ASTN2: variants seen among roughly 807,000 people sequenced by gnomAD.
ASTN2 encodes astrotactin-2.
ASTN2 carries 54 observed loss-of-function variants against 139.8 expected under a neutral mutation model. The observed-to-expected ratio is 0.39, with a 90% confidence interval of 0.31 to 0.48. The LOEUF (loss-of-function observed/expected upper bound fraction) is 0.48. Ranked by LOEUF, ASTN2 falls within the 20% of genes least tolerant of loss-of-function variation. The pLI is 0.95. For missense variants in ASTN2, 1,565 were observed against 1,725.1 expected, an observed-to-expected ratio of 0.91 and a Z score of 1.64; for synonymous variants, 756 against 719.5, an observed-to-expected ratio of 1.05 and a Z score of -0.81.
At chr9:117,048,963 C>CTTTTTTTTGTTTTTTTTTTTTTTTTT (rs1838829762) in intron 5 of ASTN2, among the ~76,000 whole-genome samples, 1 of 89,014 alleles carries the variant, frequency 1.1e-5, no homozygotes, top group Non-Finnish European at 2.3e-5. Flanking sequence ...TCATCCATTG[C>CTTTTTTTTGTTTTTTTTTTTTTTTTT]TTTTTTTTTT....
Position 117,042,862 on chromosome 9 carries a change from T to C in ASTN2, c.1277-2897A>G, listed in dbSNP as rs1838620011. ...CACTGGAGTTTTTTGTTGTTGTTGT[T>C]TTTTGTTTTGCTTGTTTGCTTGTTT... On this transcript the variant is annotated intron_variant, in intron 5 of 22. Coordinates refer to ENST00000313400, the MANE Select transcript of ASTN2 (RefSeq NM_001365068.1). Among the ~76,000 whole-genome samples the C allele has an allele frequency of 2.0e-5, 3 of 152,094 alleles. No individual in the cohort carries two copies. In the South Asian group the frequency reaches 6.2e-4, roughly 32 times the overall value.
chr9:117,040,644 A>G (rs1454129323), intron 5 of ASTN2, among the ~76,000 whole-genome samples: 1 of 152,102 alleles, frequency 6.6e-6, no homozygotes, highest in Non-Finnish European at 1.5e-5. Flanking sequence ...TTTTTAGTAG[A>G]GACGGGTTTT....
intron 1 of ASTN2, among the ~76,000 whole-genome samples, chr9:117,324,408 T>C (rs1390287803): frequency 6.6e-6 from 1 of 152,172 alleles, no homozygotes. Flanking sequence ...CTTACGATCA[T>C]AGCAGAAGGG....
intron 4 of ASTN2, among the ~76,000 whole-genome samples, chr9:117,134,375 C>A (rs558129047): frequency 4.3e-4 from 64 of 148,912 alleles, no homozygotes; most frequent in African/African-American, 1.5e-3. Flanking sequence ...ACAGTAAAAG[C>A]ACATTGAAAC....
intron 2 of ASTN2, among the ~76,000 whole-genome samples, chr9:117,273,793 T>C (rs1242790868): frequency 6.6e-6 from 1 of 152,240 alleles, no homozygotes; most frequent in Admixed American, 6.5e-5. Context: ...CAGCAGTTCT[T>C]TGTGGCTCCT....
At chr9:117,187,718 G>A (rs1233793310) in intron 3 of ASTN2, among the ~76,000 whole-genome samples, 1 of 152,154 alleles carries the variant, frequency 6.6e-6, no homozygotes, top group East Asian at 1.9e-4. Context: ...ACCAGATGCA[G>A]CCCTCCTACC....
chr9:117,328,904 T>C (rs1281863612), intron 1 of ASTN2, among the ~76,000 whole-genome samples: 4 of 152,172 alleles, frequency 2.6e-5, no homozygotes, highest in Admixed American at 2.0e-4. Flanking sequence ...GTGGAGTGGA[T>C]GCCCTGTGGA....
At chr9:117,108,014 G>A (rs970480040) in intron 4 of ASTN2, among the ~76,000 whole-genome samples, 7 of 152,242 alleles carry the variant, frequency 4.6e-5, no homozygotes, top group Middle Eastern at 3.4e-3. Flanking sequence ...AATAGTGACT[G>A]ACTGCCTGCT....
intron 3 of ASTN2, among the ~76,000 whole-genome samples, chr9:117,184,220 G>C (rs1467537049): frequency 1.3e-5 from 2 of 152,162 alleles, no homozygotes; most frequent in Non-Finnish European, 2.9e-5. Flanking sequence ...CCCACCCTCT[G>C]TAGCATACTG....
intron 2 of ASTN2, among the ~76,000 whole-genome samples, chr9:117,277,474 G>T (rs192969553): frequency 5.4e-4 from 83 of 152,296 alleles, no homozygotes; most frequent in Middle Eastern, 3.4e-3. Flanking sequence ...TGCCCTGTTA[G>T]TGGGAATGTA....
chr9:116,676,557 T>C (rs1859514303), intron 16 of ASTN2, among the ~76,000 whole-genome samples: 2 of 152,188 alleles, frequency 1.3e-5, no homozygotes, highest in African/African-American at 2.4e-5. Flanking sequence ...CTTGTGACCA[T>C]ATGGGGATAC....
At chr9:117,361,620 C>T (rs372617318) in intron 1 of ASTN2, among the ~76,000 whole-genome samples, 1 of 152,130 alleles carries the variant, frequency 6.6e-6, no homozygotes, top group Non-Finnish European at 1.5e-5. Flanking sequence ...ATGTCAATGG[C>T]GCTCAGCTCA....
At chr9:116,748,662 CA>C (rs1829317139) in intron 13 of ASTN2, among the ~76,000 whole-genome samples, 1 of 152,140 alleles carries the variant, frequency 6.6e-6, no homozygotes, top group Admixed American at 6.5e-5. Context: ...AGTAGGTACA[CA>C]AAAAACACTT....
intron 1 of ASTN2, among the ~76,000 whole-genome samples, chr9:117,390,711 C>A (rs745712415): frequency 6.6e-6 from 1 of 152,094 alleles, no homozygotes; most frequent in African/African-American, 2.4e-5. Context: ...AAAAATATCC[C>A]ATTGTCTGGA....
chr9:116,526,732 G>A (rs566058963), intron 19 of ASTN2, among the ~76,000 whole-genome samples: 1 of 151,876 alleles, frequency 6.6e-6, no homozygotes, highest in African/African-American at 2.4e-5. Context: ...ATGATTTTTA[G>A]TATGCATCCC....
intron 6 of ASTN2, among the ~76,000 whole-genome samples, chr9:117,013,229 G>T (rs1837582537): frequency 1.3e-5 from 2 of 151,998 alleles, no homozygotes; most frequent in South Asian, 4.2e-4. Flanking sequence ...CATTTATTTG[G>T]GAATACAAAC....
intron 11 of ASTN2, among the ~76,000 whole-genome samples, chr9:116,842,339 A>G (rs1832286491): frequency 6.6e-6 from 1 of 152,184 alleles, no homozygotes; most frequent in Non-Finnish European, 1.5e-5. Flanking sequence ...TAATCCCCAC[A>G]AAACTCAGAG....
chr9:117,022,550 T>C (rs1227834895), intron 6 of ASTN2, among the ~76,000 whole-genome samples: 2 of 152,150 alleles, frequency 1.3e-5, no homozygotes, highest in Admixed American at 6.5e-5. Flanking sequence ...GAGATTCTCC[T>C]AGTAGCATCT....
intron 2 of ASTN2, among the ~76,000 whole-genome samples, chr9:117,231,702 G>T (rs1394066751): frequency 1.3e-5 from 2 of 152,102 alleles, no homozygotes; most frequent in African/African-American, 4.8e-5. Flanking sequence ...GGAAGCGAGT[G>T]AGGAATAAAG....
Sources: gnomAD v4.1 joint callset for allele counts (sites outside exome capture counted in the v4.1 genomes callset) on GRCh38, gnomAD v4.1.1 for gene constraint, MANE v1.5 for transcripts, NCBI Gene and HGNC (gene_info 2026-07-23, HGNC 2026-07-21) for gene names.